AMZ1: variants seen among roughly 807,000 people sequenced by gnomAD.
AMZ1 encodes the protein archaelysin family metallopeptidase 1.
AMZ1 carries 39 observed loss-of-function variants against 29.9 expected under a neutral mutation model. The ratio of observed to expected loss-of-function variants is 1.30; its 90% CI spans 1.01 to 1.70. The LOEUF is 1.70. Ranked by LOEUF, AMZ1 falls within the 40% of genes most tolerant of loss-of-function variation. The probability of loss-of-function intolerance (pLI) is 0.00; values close to 1 mark genes in which losing one functional copy is unlikely to be tolerated. For synonymous variants in AMZ1, 458 were observed against 304.0 expected (o/e 1.51, Z -5.27); for missense variants, 1,041 against 680.6 (o/e 1.53, Z -5.89).
intron 1 of AMZ1, among the ~76,000 whole-genome samples, chr7:2,698,315 A>AT (rs1248119099): frequency 6.6e-5 from 10 of 152,232 alleles, no homozygotes; most frequent in Non-Finnish European, 1.0e-4. Flanking sequence ...AGGCAGTCGG[A>AT]TCACTTGAGG....
At chr7:2,754,986 C>T (rs182625115) in intron 4 of AMZ1, among the ~76,000 whole-genome samples, 1 of 152,304 alleles carries the variant, frequency 6.6e-6, no homozygotes, top group East Asian at 1.9e-4. Context: ...GGTCAAGGTT[C>T]ACTTTTTCTT....
At position 2,731,486 on chromosome 7, in the gene AMZ1, C is replaced by G. The variant is rs150519840; in HGVS notation, n.550+21670C>G. The G allele has an allele frequency of 6.2e-7, 1 of 1,613,558 alleles. No individual in the cohort carries two copies. Among genetic ancestry groups the G allele is most frequent in the Non-Finnish European group, 8.5e-7 (1 of 1,179,796 alleles). On this transcript the variant is annotated intron_variant and non_coding_transcript_variant, in intron 4 of 4. Transcript: ENST00000489665. This position sits in a 1 kb window ranked among gnomAD's most constrained non-coding sequence, Gnocchi z 6.0. ...ACGTTGAAGAAGAGCTTGTTGTTGA[C>G]GATGGTCTCGAAGATGTTCATGGAC...
rs1789315645 is a variant in AMZ1 at position 2,719,316 on chromosome 7, A to T, written c.*6438A>T. 1.3e-5 allele frequency among the ~76,000 whole-genome samples: 2 copies of T among 152,158 alleles called. No homozygotes were observed. Among genetic ancestry groups the T allele is most frequent in the Non-Finnish European group, 2.9e-5 (2 of 68,026 alleles). ...GTGGGGCTCTTGATGGCATAACCTG[A>T]TGTCTGTCACGGACCCCCAAGCAGG... is the stretch of plus-strand genomic sequence containing the variant. On this transcript the variant is annotated 3_prime_UTR_variant, in exon 7 of 7. Transcript: ENST00000683327.
intron 4 of AMZ1, among the ~76,000 whole-genome samples, chr7:2,741,949 G>C (rs1293096295): frequency 1.3e-5 from 2 of 151,670 alleles, no homozygotes; most frequent in Non-Finnish European, 2.9e-5. Context: ...CTCTAGCACA[G>C]AATTTAGTAT....
intron 6 of AMZ1, 71 bp from the exon 7 acceptor site, chr7:2,712,259 G>T (rs1788828497): frequency 1.4e-6 from 2 of 1,455,140 alleles, no homozygotes; most frequent in African/African-American, 2.8e-5. Context: ...AGGTAAGGAG[G>T]TCTCCTGGCA....
chr7:2,691,970 G>A (rs892973305), intron 1 of AMZ1, among the ~76,000 whole-genome samples: 21 of 152,306 alleles, frequency 1.4e-4, no homozygotes, highest in African/African-American at 3.6e-4. Flanking sequence ...TGGCTGCGGC[G>A]CTAGGGGAAT....
At chr7:2,709,860 C>A in intron 6 of AMZ1, 44 bp downstream of exon 6, 1 of 1,598,342 alleles carries the variant, frequency 6.3e-7, no homozygotes, top group African/African-American at 1.3e-5. Context: ...GACCTGCGCT[C>A]CGGAGGCCCG....
intron 6 of AMZ1, among the ~76,000 whole-genome samples, chr7:2,711,320 C>T (rs966902130): frequency 2.0e-5 from 3 of 152,206 alleles, no homozygotes; most frequent in Non-Finnish European, 4.4e-5. Flanking sequence ...CACTGCTGTC[C>T]ACTGACAGCA....
At chr7:2,729,671 C>A (rs755463464) in intron 4 of AMZ1, 1 of 152,248 alleles carries the variant, frequency 6.6e-6, no homozygotes, top group African/African-American at 2.4e-5. Flanking sequence ...CGGGGCAGCA[C>A]GGCCTCGGGA....
rs7808077 is a variant in AMZ1 at position 2,704,831 on chromosome 7, G to T, written c.472+1942G>T. On this transcript the variant is annotated intron_variant, in intron 3 of 6. Coordinates refer to ENST00000683327, the MANE Select transcript of AMZ1 (RefSeq NM_001384743.1). ...CAGGATGATCTCGATCTCCTGACCT[G>T]GTGATCTGCCTGCCTCGGTCTCCCA... 8.6e-5 allele frequency among the ~76,000 whole-genome samples: 13 copies of T among 151,896 alleles called. 1 individual carries two copies. Among genetic ancestry groups the T allele is most frequent in the Non-Finnish European group, 8.8e-5 (6 of 67,950 alleles).
chr7:2,717,452 C>A lies in AMZ1; in HGVS notation c.*4574C>A, dbSNP rs544870066. Among the ~76,000 whole-genome samples the A allele has an allele frequency of 6.6e-6, 1 of 152,226 alleles. No homozygotes were observed. The highest frequency in any genetic ancestry group is 1.5e-5 in the Non-Finnish European group (1 of 68,046). ...CTGGGAGAGGCCCCGGGAACCGGCT[C>A]GCCCTGTACCCAAGGGCTCTCTGGA... On this transcript the variant is annotated 3_prime_UTR_variant, in exon 7 of 7. Coordinates refer to ENST00000683327, the MANE Select transcript of AMZ1 (RefSeq NM_001384743.1).
intron 3 of AMZ1, 70 bp downstream of exon 3, chr7:2,702,959 G>T (rs968916143): frequency 2.0e-6 from 3 of 1,480,576 alleles, no homozygotes; most frequent in Non-Finnish European, 2.7e-6. Context: ...TGGGAGGAAG[G>T]CGCCCAGGAG....
chr7:2,706,749 C>T (rs978904127), intron 3 of AMZ1, among the ~76,000 whole-genome samples: 1 of 151,622 alleles, frequency 6.6e-6, no homozygotes, highest in African/African-American at 2.4e-5. Context: ...TGTTTCCAAA[C>T]AATGGCAGGT....
chr7:2,754,333 C>T (rs1364181095), intron 4 of AMZ1, among the ~76,000 whole-genome samples: 2 of 152,088 alleles, frequency 1.3e-5, no homozygotes, highest in East Asian at 1.9e-4. Context: ...GGATTGTTTT[C>T]GTACTGGTGA....
At chr7:2,734,014 C>G (rs1790034039) in intron 4 of AMZ1, among the ~76,000 whole-genome samples, 1 of 152,232 alleles carries the variant, frequency 6.6e-6, no homozygotes. Context: ...ATTATTCCTT[C>G]CCACATTTTT....
intron 1 of AMZ1, among the ~76,000 whole-genome samples, chr7:2,693,919 A>T (rs1319847484): frequency 1.3e-5 from 2 of 152,150 alleles, no homozygotes; most frequent in Non-Finnish European, 2.9e-5. Context: ...TTTACTTAGC[A>T]CTTTTGCCAC....
chr7:2,727,217 G>C (rs980967025), intron 4 of AMZ1, among the ~76,000 whole-genome samples: 4 of 151,890 alleles, frequency 2.6e-5, no homozygotes, highest in Non-Finnish European at 5.9e-5. Context: ...GAGTAGCTAG[G>C]ATTACAGGCG....
intron 1 of AMZ1, among the ~76,000 whole-genome samples, chr7:2,696,065 T>C (rs193180564): frequency 1.1e-3 from 169 of 150,490 alleles, no homozygotes; most frequent in African/African-American, 4.0e-3. Context: ...AAACAAAATC[T>C]GTGTGTTCCA....
chr7:2,760,477 GCCT>G (rs1224547135), upstream of AMZ1: 2 of 152,406 alleles, frequency 1.3e-5, no homozygotes, highest in East Asian at 3.8e-4. Flanking sequence ...AGGCCCTTCT[GCCT>G]GTCAAATCAA....
Sources: gnomAD v4.1 joint callset for allele counts (sites outside exome capture counted in the v4.1 genomes callset) on GRCh38, gnomAD v4.1.1 for gene constraint, Gnocchi (gnomAD v3.1) non-coding constraint, MANE v1.5 for transcripts, NCBI Gene and HGNC (gene_info 2026-07-23, HGNC 2026-07-21) for gene names.